CUX2: variants seen among roughly 807,000 people sequenced by gnomAD.
CUX2 encodes the protein homeobox protein cut-like 2.
A neutral mutation model predicts 144.8 loss-of-function variants in CUX2; 40 were observed. The ratio of observed to expected loss-of-function variants is 0.28; its 90% CI spans 0.21 to 0.36. CUX2 has a LOEUF of 0.36. CUX2 is among the 10% of genes least tolerant of loss of function. CUX2 has a pLI of 1.00. For synonymous variants in CUX2, 827 were observed against 875.6 expected, an observed-to-expected ratio of 0.94 and a Z score of 0.98; for missense variants, 1,615 against 1,994.0, an observed-to-expected ratio of 0.81 and a Z score of 3.62.
intron 1 of CUX2, among the ~76,000 whole-genome samples, chr12:111,195,498 A>G (rs1176261436): frequency 6.6e-6 from 1 of 152,252 alleles, no homozygotes. Context: ...TTTCAAGGGT[A>G]CAGAATGAAA....
intron 1 of CUX2, among the ~76,000 whole-genome samples, chr12:111,106,213 A>C (rs1374338243): frequency 6.6e-6 from 1 of 152,112 alleles, no homozygotes; most frequent in Non-Finnish European, 1.5e-5. Context: ...GCTGGTCTCA[A>C]ACTCCTGGAC....
rs899413395 is a variant in CUX2 at position 111,044,132 on chromosome 12, G to T, written c.63+9892G>T. Among the ~76,000 whole-genome samples the T allele has an allele frequency of 2.0e-5, 3 of 152,200 alleles. No individual in the cohort carries two copies. The South Asian group carries it at 6.2e-4, about 31-fold the overall frequency. On this transcript the variant is annotated intron_variant, in intron 1 of 21. Transcript: ENST00000261726. ...CTGGCTCCCTCCGGCAGGTGCAGGT[G>T]TTGACCCTTACAAATCTCTTTGCCA...
At chr12:111,264,751 TAAAAA>T in intron 4 of CUX2, among the ~76,000 whole-genome samples, 1 of 151,976 alleles carries the variant, frequency 6.6e-6, no homozygotes, top group South Asian at 2.1e-4. Context: ...CTGTCTCAAA[TAAAAA>T]AGGAATGGAG....
chr12:111,227,018 G>A (rs78373422), intron 3 of CUX2, among the ~76,000 whole-genome samples: 1,962 of 152,310 alleles, frequency 0.013, 19 homozygotes, highest in Middle Eastern at 0.027. Flanking sequence ...CTGCCTCCTG[G>A]GAGGTGGGAG....
chr12:111,043,584 G>A (rs1202404707), intron 1 of CUX2, among the ~76,000 whole-genome samples: 7 of 152,118 alleles, frequency 4.6e-5, no homozygotes, highest in Admixed American at 1.3e-4. Context: ...AGGATGAGGC[G>A]GGCAGATAAT....
At chr12:111,280,147 G>A (rs1453161473) in intron 4 of CUX2, among the ~76,000 whole-genome samples, 1 of 151,920 alleles carries the variant, frequency 6.6e-6, no homozygotes, top group Non-Finnish European at 1.5e-5. Context: ...AAACTAGCTG[G>A]GCATCGTGGC....
chr12:111,083,980 G>A (rs968377732), intron 1 of CUX2, among the ~76,000 whole-genome samples: 6 of 152,184 alleles, frequency 3.9e-5, no homozygotes, highest in African/African-American at 1.2e-4. Flanking sequence ...GAGTACCAGG[G>A]TGGGAGTAGT....
At chr12:111,167,449 A>G (rs1441565306) in intron 1 of CUX2, among the ~76,000 whole-genome samples, 2 of 152,158 alleles carry the variant, frequency 1.3e-5, no homozygotes, top group African/African-American at 2.4e-5. Flanking sequence ...TGTAATGCCT[A>G]GCCCAGAGCT....
intron 1 of CUX2, among the ~76,000 whole-genome samples, chr12:111,192,885 G>C (rs1879985532): frequency 6.6e-6 from 1 of 152,266 alleles, no homozygotes; most frequent in Admixed American, 6.5e-5. Flanking sequence ...CTAATAGCGT[G>C]TGTGTTTGTG....
At chr12:111,048,480 T>G (rs1300921720) in intron 1 of CUX2, among the ~76,000 whole-genome samples, 1 of 152,106 alleles carries the variant, frequency 6.6e-6, no homozygotes, top group Non-Finnish European at 1.5e-5. Context: ...GTATGGCTGG[T>G]TTTCTGTGTG....
intron 1 of CUX2, among the ~76,000 whole-genome samples, chr12:111,102,198 G>A (rs1417818220): frequency 6.6e-6 from 1 of 152,176 alleles, no homozygotes; most frequent in African/African-American, 2.4e-5. Flanking sequence ...CTGCGTGGGT[G>A]GGCCGCGCCA....
At chr12:111,286,224 C>T (rs1489449566) in intron 4 of CUX2, among the ~76,000 whole-genome samples, 1 of 152,196 alleles carries the variant, frequency 6.6e-6, no homozygotes, top group Admixed American at 6.5e-5. Context: ...TGAAAGCACA[C>T]AACGCCTAGC....
chr12:111,322,321 C>CAAAATA lies in CUX2; in HGVS notation c.2767-96_2767-95insTAAAAA, dbSNP rs1887575997. 1 of 651,916 alleles carries CAAAATA rather than the reference C, an allele frequency of 1.5e-6. No homozygotes were observed. The highest frequency in any genetic ancestry group is 2.1e-6 in the Non-Finnish European group (1 of 475,934). The allele number at this position is 651,916 out of a possible 1,614,324, so 40.4% of individuals were successfully genotyped here. ...CGACAGACAAAGCGAGACTCTGCCT[C>CAAAATA]AAAAAAAAAAAAAAAAAAAAAAAGG... On this transcript the variant is annotated intron_variant, in intron 17 of 21. Transcript: ENST00000261726. This position sits in a 1 kb window ranked among gnomAD's most constrained non-coding sequence, Gnocchi z 4.2.
At chr12:111,134,610 C>CTGTGTGTGTGTG (rs1483403424) in intron 1 of CUX2, among the ~76,000 whole-genome samples, 48 of 138,356 alleles carry the variant, frequency 3.5e-4, no homozygotes, top group African/African-American at 1.4e-3. Flanking sequence ...CTCTCTCTCT[C>CTGTGTGTGTGTG]TCTCTCTCTC....
chr12:111,147,480 G>C (rs549421797), intron 1 of CUX2, among the ~76,000 whole-genome samples: 17 of 152,288 alleles, frequency 1.1e-4, no homozygotes, highest in African/African-American at 4.1e-4. Flanking sequence ...TGCCCAAGGG[G>C]CCCCCTTTCC....
At chr12:111,151,782 C>T (rs1388859029) in intron 1 of CUX2, among the ~76,000 whole-genome samples, 1 of 151,934 alleles carries the variant, frequency 6.6e-6, no homozygotes. Context: ...TGGCCAGGCT[C>T]GCTCCGGCCA....
Position 111,304,225 on chromosome 12 carries a change from C to G in CUX2, c.769C>G (p.Gln257Glu). The G allele has an allele frequency of 6.2e-7, 1 of 1,613,456 alleles. No homozygotes were observed. Among genetic ancestry groups the G allele is most frequent in the Non-Finnish European group, 8.5e-7 (1 of 1,179,766 alleles). The change falls in exon 10 of 22, where the codon CAG becomes GAG. Residue 257 changes from glutamine to glutamate, a missense_variant. Gln to Glu is a conservative substitution (Grantham distance 29). This residue lies in a region of CUX2 where 295 missense variants were observed against 400.2 expected (regional missense o/e 0.74). Coordinates refer to ENST00000261726, the MANE Select transcript of CUX2 (RefSeq NM_015267.4). The surrounding 1 kb of genome is among the most constrained non-coding windows in gnomAD (Gnocchi z 4.7). ...EKANQRAEAA[Q>E]REVESLREQL... ...TTCTCCCCAGCGAGCTGAGGCTGCC[C>G]AGCGGGAGGTGGAAAGTCTCCGGGA...
intron 1 of CUX2, among the ~76,000 whole-genome samples, chr12:111,200,458 C>T (rs1347618955): frequency 6.6e-6 from 1 of 151,976 alleles, no homozygotes; most frequent in Non-Finnish European, 1.5e-5. Context: ...CCCCGTACAG[C>T]TTGATGTGAA....
chr12:111,329,148 G>A (rs796724296), intron 18 of CUX2, among the ~76,000 whole-genome samples: 5 of 150,092 alleles, frequency 3.3e-5, no homozygotes, highest in African/African-American at 1.2e-4. Flanking sequence ...TATCTCTCCA[G>A]GAGAGAGAGA....
Sources: gnomAD v4.1 joint callset for allele counts (sites outside exome capture counted in the v4.1 genomes callset) on GRCh38, gnomAD v4.1.1 for gene constraint, gnomAD v4.1.1 regional missense constraint, Gnocchi (gnomAD v3.1) non-coding constraint, MANE v1.5 for transcripts, NCBI Gene and HGNC (gene_info 2026-07-23, HGNC 2026-07-21) for gene names.